The following SERINC5 variants were observed in gnomAD, a reference collection of about 807,000 sequenced individuals.
SERINC5 encodes the protein chromosome 5 open reading frame 12.
In SERINC5, 41 loss-of-function variants were observed where a neutral mutation model predicts 63.1. The ratio of observed to expected loss-of-function variants is 0.65; its 90% CI spans 0.51 to 0.84. SERINC5 has a LOEUF of 0.84. SERINC5 is among the 40% of genes least tolerant of loss of function. The pLI is 0.00. For missense variants in SERINC5, 523 were observed against 573.0 expected (o/e 0.91, Z 0.89); for synonymous variants, 222 against 215.2 (o/e 1.03, Z -0.28).
chr5:80,162,775 T>C (rs1340499556), intron 7 of SERINC5, among the ~76,000 whole-genome samples: 2 of 152,222 alleles, frequency 1.3e-5, no homozygotes, highest in Non-Finnish European at 2.9e-5. Flanking sequence ...TTTGTAGCCA[T>C]TGTAAATGGG....
intron 1 of SERINC5, among the ~76,000 whole-genome samples, chr5:80,227,474 T>C (rs1432277494): frequency 1.3e-5 from 2 of 151,864 alleles, no homozygotes; most frequent in Non-Finnish European, 2.9e-5. Context: ...TAAAACTGTG[T>C]TTACAGCCGG....
Position 80,166,417 on chromosome 5 carries a change from G to T in SERINC5, c.825C>A (p.Thr275=). The T allele has an allele frequency of 6.3e-7, 1 of 1,594,222 alleles. No individual in the cohort carries two copies. Among genetic ancestry groups the T allele is most frequent in the Non-Finnish European group, 8.5e-7 (1 of 1,170,302 alleles). ...CAGGTTTGCTGGACAGAGCTGAGAA[G>T]GTGAGGTAGGTGACATAGCAGCTTA... ...GVISCYVTYL[T]FSALSSKPAE... Residue 275 remains threonine (T), a synonymous_variant, in exon 7 of 12, where the codon ACC becomes ACA. Transcript: ENST00000507668.
At chr5:80,145,131 G>A (rs1403192048) in intron 11 of SERINC5, among the ~76,000 whole-genome samples, 2 of 151,922 alleles carry the variant, frequency 1.3e-5, no homozygotes, top group Non-Finnish European at 2.9e-5. Flanking sequence ...ACAAGGTCAG[G>A]AGTTCGAGAC....
Position 80,173,571 on chromosome 5 carries a change from G to A in SERINC5, c.551+1383C>T, listed in dbSNP as rs554902093. Reference sequence around the variant, plus strand: ...AGATTGTGCCACTGCACTCCAGCCTGGGCGACAGAACGAGACTCTGTCTCA... The same window carrying A: ...AGATTGTGCCACTGCACTCCAGCCTAGGCGACAGAACGAGACTCTGTCTCA... On this transcript the variant is annotated intron_variant, in intron 5 of 11. Coordinates refer to ENST00000507668, the MANE Select transcript of SERINC5 (RefSeq NM_001174072.3). 3.3e-5 allele frequency among the ~76,000 whole-genome samples: 5 copies of A among 152,200 alleles called. No homozygotes were observed. In the East Asian group the frequency reaches 5.8e-4, roughly 18 times the overall value.
intron 11 of SERINC5, among the ~76,000 whole-genome samples, chr5:80,120,974 G>A (rs889197433): frequency 5.3e-5 from 8 of 151,862 alleles, no homozygotes; most frequent in African/African-American, 1.5e-4. Context: ...TGCAACCTCC[G>A]CCTCCCAGGT....
chr5:80,212,422 C>CA (rs1561430693), intron 1 of SERINC5, among the ~76,000 whole-genome samples: 6 of 152,208 alleles, frequency 3.9e-5, no homozygotes, highest in Non-Finnish European at 5.9e-5. Flanking sequence ...ATACATAATA[C>CA]TGCCCATGCC....
chr5:80,204,135 T>A (rs963444816), intron 1 of SERINC5, among the ~76,000 whole-genome samples: 1 of 152,154 alleles, frequency 6.6e-6, no homozygotes, highest in Non-Finnish European at 1.5e-5. Context: ...TGTTCATTTG[T>A]CTCCTTTATA....
Position 80,169,398 on chromosome 5 carries a change from C to G in SERINC5, c.700G>C (p.Gly234Arg). The change falls in exon 6 of 12, where the codon GGA (glycine) becomes CGA (arginine). Residue 234 changes from glycine to arginine, a missense_variant. By Grantham distance (125) the Gly-to-Arg change is moderately radical (BLOSUM62 -2). Coordinates refer to ENST00000507668, the MANE Select transcript of SERINC5 (RefSeq NM_001174072.3). ...DSCMENKILL[G>R]VNGGLCLLIS... ...AGCAGGCACAGGCCTCCATTTACTC[C>G]CAGCAGAATTTTGTTTTCCATGCAG... 1.9e-6 allele frequency: 3 copies of G among 1,613,964 alleles called. No homozygotes were observed. The highest frequency in any genetic ancestry group is 2.5e-6 in the Non-Finnish European group (3 of 1,179,874).
chr5:80,197,716 T>C lies in SERINC5; in HGVS notation c.195+5170A>G, dbSNP rs138487295. ...TTTCTCCTCCCTCCCCAAACACCCATGTGGCTTCCCAGGGTGCCTAAATCT... is the reference window on the plus strand; with the variant it reads ...TTTCTCCTCCCTCCCCAAACACCCACGTGGCTTCCCAGGGTGCCTAAATCT... On this transcript the variant is annotated intron_variant, in intron 2 of 11. Transcript: ENST00000507668. 1.8e-3 allele frequency among the ~76,000 whole-genome samples: 269 copies of C among 152,312 alleles called. 4 individuals carry two copies. The highest frequency in any genetic ancestry group is 5.3e-3 in the African/African-American group (222 of 41,574).
At chr5:80,208,055 G>T (rs1179955887) in intron 1 of SERINC5, among the ~76,000 whole-genome samples, 1 of 152,160 alleles carries the variant, frequency 6.6e-6, no homozygotes, top group African/African-American at 2.4e-5. Flanking sequence ...GGAACTACTG[G>T]TGCTTTCACA....
rs928214386 is a variant in SERINC5 at position 80,114,863 on chromosome 5, T to A, written c.1239-1238A>T. Among the ~76,000 whole-genome samples the A allele has an allele frequency of 2.6e-5, 4 of 151,948 alleles. No individual in the cohort carries two copies. In the East Asian group the frequency reaches 7.7e-4, roughly 29 times the overall value. On this transcript the variant is annotated intron_variant, in intron 11 of 12. Transcript: ENST00000509193. ...AAGCTTTTTGACAAATAACTCTGAC[T>A]AGGAATTGTAAGAAATGTTTTTAAA...
intron 2 of SERINC5, among the ~76,000 whole-genome samples, chr5:80,186,331 T>C (rs1264797457): frequency 6.6e-6 from 1 of 151,918 alleles, no homozygotes; most frequent in African/African-American, 2.4e-5. Flanking sequence ...AGATATGGGG[T>C]TTCACTATGT....
At chr5:80,213,023 C>T (rs1750505653) in intron 1 of SERINC5, among the ~76,000 whole-genome samples, 1 of 151,930 alleles carries the variant, frequency 6.6e-6, no homozygotes, top group African/African-American at 2.4e-5. Context: ...GGCAGGTAGA[C>T]CACTCAAGGT....
At chr5:80,186,427 C>T (rs534454037) in intron 2 of SERINC5, among the ~76,000 whole-genome samples, 2 of 152,102 alleles carry the variant, frequency 1.3e-5, no homozygotes, top group African/African-American at 4.8e-5. Flanking sequence ...CGTGAGCCAC[C>T]GCGCCCGACC....
intron 1 of SERINC5, among the ~76,000 whole-genome samples, chr5:80,219,443 C>A (rs879608426): frequency 6.6e-6 from 1 of 152,214 alleles, no homozygotes; most frequent in Non-Finnish European, 1.5e-5. Flanking sequence ...TCTTCTTCTT[C>A]CACTTCTAGC....
At chr5:80,197,998 C>A (rs1337999256) in intron 2 of SERINC5, among the ~76,000 whole-genome samples, 2 of 152,056 alleles carry the variant, frequency 1.3e-5, no homozygotes, top group Non-Finnish European at 2.9e-5. Context: ...CACCACCACA[C>A]CCAGCTAATT....
intron 1 of SERINC5, among the ~76,000 whole-genome samples, chr5:80,250,499 G>A (rs888202735): frequency 1.3e-5 from 2 of 152,194 alleles, no homozygotes; most frequent in African/African-American, 2.4e-5. Flanking sequence ...ATGCCATCAC[G>A]CCCAGTTAAT....
At chr5:80,214,209 C>T (rs1017987275) in intron 1 of SERINC5, among the ~76,000 whole-genome samples, 1 of 152,110 alleles carries the variant, frequency 6.6e-6, no homozygotes, top group Non-Finnish European at 1.5e-5. Context: ...AGTATGATAG[C>T]ATTTTGGGTA....
At chr5:80,137,931 C>CT (rs1745281129), downstream of SERINC5, among the ~76,000 whole-genome samples, 1 of 151,810 alleles carries the variant, frequency 6.6e-6, no homozygotes, top group Non-Finnish European at 1.5e-5. Flanking sequence ...GAGTGAGACT[C>CT]TGTCTCAAAA....
Sources: gnomAD v4.1 joint callset for allele counts (sites outside exome capture counted in the v4.1 genomes callset) on GRCh38, gnomAD v4.1.1 for gene constraint, MANE v1.5 for transcripts, NCBI Gene and HGNC (gene_info 2026-07-23, HGNC 2026-07-21) for gene names.